The following ZNF529 variants were observed in gnomAD, a reference collection of about 807,000 sequenced individuals.
ZNF529 encodes zinc finger protein 529.
In ZNF529, 11 loss-of-function variants were observed where a neutral mutation model predicts 10.1. The ratio of observed to expected loss-of-function variants is 1.09; its 90% CI spans 0.69 to 1.81. ZNF529 has a LOEUF of 1.81. ZNF529 is among the 40% of genes most tolerant of loss of function. ZNF529 has a pLI of 0.00. For synonymous variants in ZNF529, 204 were observed against 215.7 expected, an observed-to-expected ratio of 0.95 and a Z score of 0.47; for missense variants, 624 against 666.8, an observed-to-expected ratio of 0.94 and a Z score of 0.71.
rs530010804 is a variant in ZNF529 at position 36,554,007 on chromosome 19, A to C, written c.235+663T>G. 5.3e-5 allele frequency among the ~76,000 whole-genome samples: 8 copies of C among 152,320 alleles called. No individual in the cohort carries two copies. The East Asian group carries it at 1.5e-3, about 29-fold the overall frequency. On this transcript the variant is annotated intron_variant, in intron 4 of 4. Coordinates refer to ENST00000591340, the MANE Select transcript of ZNF529 (RefSeq NM_020951.5). ...TCCCTAAGATGTCTCATTATGTATA[A>C]GCAGATATTCCAAAATCTGAAAAAA...
intron 2 of ZNF529, chr19:36,581,839 C>T (rs1188954951): frequency 6.5e-6 from 1 of 152,762 alleles, no homozygotes; most frequent in Non-Finnish European, 1.5e-5. Flanking sequence ...CTAAATAAAC[C>T]ATTTTTCTTT....
chr19:36,603,849 A>C (rs548847056), intron 1 of ZNF529, among the ~76,000 whole-genome samples: 9 of 152,302 alleles, frequency 5.9e-5, no homozygotes, highest in African/African-American at 2.2e-4. Flanking sequence ...AATGCTGTGG[A>C]TCTGCAATAT....
At chr19:36,572,268 G>A (rs1032050382) in intron 2 of ZNF529, 65 bp downstream of exon 2, 8 of 1,531,614 alleles carry the variant, frequency 5.2e-6, no homozygotes, top group Non-Finnish European at 7.1e-6. Context: ...CATCTCTACG[G>A]TCCTGTTGTT....
At chr19:36,560,602 T>C (rs1056340842) in intron 2 of ZNF529, among the ~76,000 whole-genome samples, 19 of 152,178 alleles carry the variant, frequency 1.2e-4, no homozygotes, top group Admixed American at 3.3e-4. Flanking sequence ...TTTAAAAACA[T>C]AGACTTATAT....
At chr19:36,573,499 A>AGGC (rs1568605626), upstream of ZNF529, 1 of 470,690 alleles carries the variant, frequency 2.1e-6, no homozygotes, top group Non-Finnish European at 4.4e-6. Context: ...GGCGCGGAAG[A>AGGC]GGCGGCTGGT....
intron 3 of ZNF529, 117 bp from the exon 4 acceptor site, chr19:36,554,913 A>G: frequency 2.4e-6 from 2 of 843,160 alleles, no homozygotes; most frequent in Non-Finnish European, 3.3e-6. Context: ...GGCCAAAAGA[A>G]GACTGTGACA....
At chr19:36,591,699 T>C (rs2036720596) in intron 1 of ZNF529, among the ~76,000 whole-genome samples, 1 of 147,294 alleles carries the variant, frequency 6.8e-6, no homozygotes, top group African/African-American at 2.5e-5. Context: ...CACTCCAGCC[T>C]GGGCGACAGA....
At chr19:36,550,318 G>T (rs966465258) in intron 4 of ZNF529, among the ~76,000 whole-genome samples, 1 of 152,240 alleles carries the variant, frequency 6.6e-6, no homozygotes, top group East Asian at 1.9e-4. Flanking sequence ...CAAGGTGTGC[G>T]GATCACTTGA....
chr19:36,581,412 A>T (rs2145242201), intron 2 of ZNF529: 1 of 152,322 alleles, frequency 6.6e-6, no homozygotes, highest in African/African-American at 2.4e-5. Context: ...GTACTTAAAT[A>T]AAAAAAGGAG....
intron 2 of ZNF529, among the ~76,000 whole-genome samples, chr19:36,579,563 C>T (rs1379239737): frequency 6.6e-6 from 1 of 152,156 alleles, no homozygotes; most frequent in Non-Finnish European, 1.5e-5. Context: ...ACCTGTATAG[C>T]ATATTATATA....
At chr19:36,563,181 G>C (rs2035772788) in intron 2 of ZNF529, among the ~76,000 whole-genome samples, 1 of 152,096 alleles carries the variant, frequency 6.6e-6, no homozygotes, top group African/African-American at 2.4e-5. Context: ...CAGCACTTTG[G>C]GAGGGTGAGG....
rs1390757634 is a variant in ZNF529, at chr19:36,547,732, G to C, written c.826C>G (p.His276Asp). Residue 276 changes from histidine (H) to aspartate (D), a missense_variant, in exon 5 of 5, where the codon CAT becomes GAT. Coordinates refer to ENST00000591340, the MANE Select transcript of ZNF529 (RefSeq NM_020951.5). ...CATTCAAAGTGTTTCTCACCATCATGAACTCTTTGAAGTGGAGTAACTTTT... is the reference window on the plus strand; with the variant it reads ...CATTCAAAGTGTTTCTCACCATCATCAACTCTTTGAAGTGGAGTAACTTTT... ...VGKVTPLQRV[H>D]DGEKHFECSF... 4 of 1,613,810 alleles carry C rather than the reference G, an allele frequency of 2.5e-6. No homozygotes were observed. Among genetic ancestry groups the C allele is most frequent in the Non-Finnish European group, 3.4e-6 (4 of 1,179,816 alleles).
At chr19:36,571,473 G>A (rs1024417116) in intron 2 of ZNF529, among the ~76,000 whole-genome samples, 8 of 152,052 alleles carry the variant, frequency 5.3e-5, no homozygotes, top group Admixed American at 3.3e-4. Flanking sequence ...TCAGGAGTTC[G>A]ATACCAGCCC....
chr19:36,576,853 T>C (rs763295369), upstream of ZNF529, among the ~76,000 whole-genome samples: 25 of 152,152 alleles, frequency 1.6e-4, no homozygotes, highest in Middle Eastern at 3.4e-3. Context: ...CAGATAGTGA[T>C]TTGATGTCTA....
intron 2 of ZNF529, among the ~76,000 whole-genome samples, chr19:36,585,269 A>G (rs1207560363): frequency 6.6e-6 from 1 of 152,182 alleles, no homozygotes; most frequent in African/African-American, 2.4e-5. Context: ...ACAGGGGCTC[A>G]TGGATGAGTG....
chr19:36,549,371 A>G (rs1339348938), intron 4 of ZNF529, among the ~76,000 whole-genome samples: 4 of 152,224 alleles, frequency 2.6e-5, no homozygotes, highest in South Asian at 4.1e-4. Context: ...AGGACATAGT[A>G]TATGATAATT....
At chr19:36,550,555 A>AT in intron 4 of ZNF529, among the ~76,000 whole-genome samples, 1 of 152,300 alleles carries the variant, frequency 6.6e-6, no homozygotes, top group South Asian at 2.1e-4. Context: ...TAAAAAAAAA[A>AT]GAAGCTCACT....
In ZNF529 at chr19:36,546,703, C is replaced by T; in HGVS notation, c.*163G>A. On this transcript the variant is annotated 3_prime_UTR_variant, in exon 5 of 5. Coordinates refer to ENST00000591340, the MANE Select transcript of ZNF529 (RefSeq NM_020951.5). ...ATCTAACAAAGCTATAAGTATATAT[C>T]AGCTATGACTAAGCAATTCTACGTC... The T allele has an allele frequency of 4.3e-6, 3 of 703,536 alleles. No homozygotes were observed. Among genetic ancestry groups the T allele is most frequent in the Non-Finnish European group, 6.7e-6 (3 of 444,468 alleles). The allele number at this position is 703,536 out of a possible 1,614,324, so 43.6% of individuals were successfully genotyped here. A position where few individuals can be genotyped will look rare whatever the true frequency, so the allele number is the denominator to read the frequency against.
At chr19:36,557,216 G>A (rs1225759757) in intron 2 of ZNF529, among the ~76,000 whole-genome samples, 2 of 152,134 alleles carry the variant, frequency 1.3e-5, no homozygotes, top group Admixed American at 6.5e-5. Context: ...ATCATCTAAC[G>A]CTGTCTGTAA....
Sources: allele counts gnomAD v4.1 joint callset (sites outside exome capture counted in the v4.1 genomes callset), GRCh38; gene constraint gnomAD v4.1.1; transcripts MANE v1.5; gene names NCBI Gene and HGNC (gene_info 2026-07-23, HGNC 2026-07-21).